Variants in ZSWIM5 observed in about 807,000 individuals in gnomAD.
ZSWIM5 encodes zinc finger SWIM domain-containing protein 5.
In ZSWIM5, 55 loss-of-function variants were observed where a neutral mutation model predicts 119.6. That is an observed-to-expected ratio of 0.46 (90% CI 0.37 to 0.58). The LOEUF is 0.58. Among genes scored for constraint, ZSWIM5 ranks in the 20% least tolerant of loss-of-function variants. The pLI, the probability that ZSWIM5 is intolerant of heterozygous loss-of-function variation, is 0.00. For synonymous variants in ZSWIM5, 537 were observed against 606.9 expected (o/e 0.88, Z 1.69); for missense variants, 1,193 against 1,512.8 (o/e 0.79, Z 3.51).
Position 45,051,156 on chromosome 1 carries a change from G to C in ZSWIM5, c.1350C>G (p.Val450=), listed in dbSNP as rs1336271751. The change falls in exon 5 of 14, where the codon GTC becomes GTG. Residue 450 remains valine, a synonymous_variant. Coordinates refer to ENST00000359600, the MANE Select transcript of ZSWIM5 (RefSeq NM_020883.2). ...CATAGTTTCCATCCTCCAGGGGACA[G>C]ACATCCAGGTCGCTCCACTTCTGCA... is the stretch of plus-strand genomic sequence containing the variant. ...QQLQKWSDLD[V]CPLEDGNYGH... is the part of the protein sequence containing the mutation. 6.2e-7 allele frequency: 1 copy of C among 1,614,086 alleles called. No individual in the cohort carries two copies. Among genetic ancestry groups the C allele is most frequent in the African/African-American group, 1.3e-5 (1 of 74,902 alleles).
intron 8 of ZSWIM5, 26 bp downstream of exon 8, chr1:45,038,910 G>T (rs768342441): frequency 1.2e-6 from 2 of 1,611,816 alleles, no homozygotes; most frequent in Non-Finnish European, 1.7e-6. Flanking sequence ...GGGCAGTCTT[G>T]GTTTGCCTCA....
At chr1:45,121,593 T>TC (rs1014173549) in intron 1 of ZSWIM5, among the ~76,000 whole-genome samples, 1 of 150,168 alleles carries the variant, frequency 6.7e-6, no homozygotes, top group Non-Finnish European at 1.5e-5. Context: ...AATCTTTTTT[T>TC]TTCTTCTTCT....
At chr1:45,021,849 G>A (rs1398028203) in intron 11 of ZSWIM5, among the ~76,000 whole-genome samples, 10 of 151,690 alleles carry the variant, frequency 6.6e-5, no homozygotes, top group Non-Finnish European at 1.2e-4. Context: ...GTGAAACCCC[G>A]TCTCTACTAA....
chr1:45,120,526 T>C (rs1470268056), intron 1 of ZSWIM5, among the ~76,000 whole-genome samples: 1 of 151,936 alleles, frequency 6.6e-6, no homozygotes, highest in African/African-American at 2.4e-5. Context: ...TGCAATGGTG[T>C]GACCATGGCT....
chr1:45,125,175 C>A (rs190560088), intron 1 of ZSWIM5, among the ~76,000 whole-genome samples: 11 of 152,266 alleles, frequency 7.2e-5, no homozygotes, highest in African/African-American at 2.6e-4. Flanking sequence ...CCAAAATAGA[C>A]CATTTCCAGG....
chr1:45,061,568 G>A (rs895232392), intron 2 of ZSWIM5, among the ~76,000 whole-genome samples: 1 of 151,110 alleles, frequency 6.6e-6, no homozygotes, highest in Non-Finnish European at 1.5e-5. Flanking sequence ...ATGGGGCATC[G>A]CCATGTTGGC....
rs1334326927 is a variant in ZSWIM5 at position 45,058,742 on chromosome 1, C to A, written c.1119G>T (p.Arg373=). ...TCCTTGCTCCATTGGAATCTCTCATCCGCAGCATTTCTCGAACCTGACACA... is the reference window on the plus strand; with the variant it reads ...TCCTTGCTCCATTGGAATCTCTCATACGCAGCATTTCTCGAACCTGACACA... ...SMFAKVREML[R]MRDSNGARML... Residue 373 remains arginine (R), a synonymous_variant, in exon 4 of 14, where the codon CGG becomes CGT. Coordinates refer to ENST00000359600, the MANE Select transcript of ZSWIM5 (RefSeq NM_020883.2). The A allele has an allele frequency of 9.3e-6, 15 of 1,614,100 alleles. No homozygotes were observed. The highest frequency in any genetic ancestry group is 1.3e-5 in the Non-Finnish European group (15 of 1,180,026).
At chr1:45,140,955 C>T (rs960080734) in intron 1 of ZSWIM5, among the ~76,000 whole-genome samples, 1 of 152,006 alleles carries the variant, frequency 6.6e-6, no homozygotes, top group African/African-American at 2.4e-5. Flanking sequence ...ATTCAAAAGC[C>T]CAGTAGTGAG....
At chr1:45,039,934 G>A (rs1347525942) in intron 7 of ZSWIM5, among the ~76,000 whole-genome samples, 1 of 152,150 alleles carries the variant, frequency 6.6e-6, no homozygotes, top group East Asian at 1.9e-4. Flanking sequence ...TCGAACTCCC[G>A]ACCTCAGGTG....
chr1:45,073,775 T>TC (rs1645239045), intron 2 of ZSWIM5, among the ~76,000 whole-genome samples: 1 of 152,012 alleles, frequency 6.6e-6, no homozygotes, highest in South Asian at 2.1e-4. Context: ...TTATGTTGAA[T>TC]AACAGTGGTA....
chr1:45,099,151 G>A (rs1645422113), intron 1 of ZSWIM5, among the ~76,000 whole-genome samples: 1 of 152,046 alleles, frequency 6.6e-6, no homozygotes, highest in Admixed American at 6.5e-5. Context: ...TAGACCGCTA[G>A]CAAGACTAGT....
chr1:45,020,553 G>C (rs890779535), intron 12 of ZSWIM5, 72 bp downstream of exon 12: 10 of 1,544,964 alleles, frequency 6.5e-6, no homozygotes, highest in South Asian at 4.8e-5. Context: ...CAGTCTCCCA[G>C]AGATCTTATC....
intron 1 of ZSWIM5, among the ~76,000 whole-genome samples, chr1:45,153,666 G>A (rs1029287673): frequency 3.3e-5 from 5 of 152,056 alleles, no homozygotes; most frequent in Non-Finnish European, 1.5e-5. Context: ...ATCAATCTAG[G>A]CACTGATCAA....
Position 45,090,249 on chromosome 1 carries a change from T to C in ZSWIM5, c.596-2012A>G, listed in dbSNP as rs190263478. Among the ~76,000 whole-genome samples the C allele has an allele frequency of 7.2e-5, 11 of 152,356 alleles. No individual in the cohort carries two copies. The East Asian group carries it at 2.1e-3, about 29-fold the overall frequency. ...GTACACATTACTGAAAACATTCAGA[T>C]TAATTTCCAGAGCAAGAAAAAGATA... On this transcript the variant is annotated intron_variant, in intron 1 of 13. Coordinates refer to ENST00000359600, the MANE Select transcript of ZSWIM5 (RefSeq NM_020883.2).
At chr1:45,090,675 C>G (rs1645359687) in intron 1 of ZSWIM5, among the ~76,000 whole-genome samples, 2 of 151,742 alleles carry the variant, frequency 1.3e-5, no homozygotes, top group Admixed American at 1.3e-4. Context: ...AATAAATAAG[C>G]AAGCTGGGTG....
rs1405189864 is a variant in ZSWIM5, at chr1:45,206,393, G to C, written c.-43C>G. 6.7e-6 allele frequency: 9 copies of C among 1,350,130 alleles called. No individual in the cohort carries two copies. The African/African-American group carries it at 9.2e-5, about 14-fold the overall frequency. The allele number at this position is 1,350,130 out of a possible 1,614,324, so 83.6% of individuals were successfully genotyped here. On this transcript the variant is annotated 5_prime_UTR_variant, in exon 1 of 14. Coordinates refer to ENST00000359600, the MANE Select transcript of ZSWIM5 (RefSeq NM_020883.2). ...CTGACTGAGGCGGCGGCGGCTGCTC[G>C]GGCTGCGGCGGAGACCCTGGCCACG... is the stretch of plus-strand genomic sequence containing the variant.
rs768889637 is a variant in ZSWIM5, at chr1:45,088,173, T to G, written c.660A>C (p.Lys220Asn). ...ATASEPAVTY[K>N]VAISFDRCKI... is the part of the protein sequence containing the mutation. ...TGCATCGATCAAAACTGATTGCAAC[T>G]TTATAAGTCACTGCTGGTTCAGAGG... is the stretch of plus-strand genomic sequence containing the variant. Residue 220 changes from lysine to asparagine, a missense_variant, in exon 2 of 14, where the codon AAA becomes AAC. Physicochemically the swap from Lys to Asn is moderately conservative, Grantham distance 94. Around this residue, in one of 2 missense-constraint regions of ZSWIM5, gnomAD observed 961 missense variants for 1,290.0 expected, o/e 0.74. Transcript: ENST00000359600. The surrounding 1 kb of genome is among the most constrained non-coding windows in gnomAD (Gnocchi z 4.2). 1 of 1,614,174 alleles carries G rather than the reference T, an allele frequency of 6.2e-7. No homozygotes were observed. The highest frequency in any genetic ancestry group is 8.5e-7 in the Non-Finnish European group (1 of 1,180,004).
chr1:45,031,353 T>A (rs1444440210), intron 11 of ZSWIM5, among the ~76,000 whole-genome samples: 6 of 151,648 alleles, frequency 4.0e-5, no homozygotes, highest in African/African-American at 9.7e-5. Flanking sequence ...ATTTTTTTTT[T>A]TTGTATTTTT....
At chr1:45,136,097 G>C (rs1234911639) in intron 1 of ZSWIM5, among the ~76,000 whole-genome samples, 1 of 152,100 alleles carries the variant, frequency 6.6e-6, no homozygotes, top group Non-Finnish European at 1.5e-5. Flanking sequence ...CTGAGCTCAA[G>C]GGATCCACCT....
Sources: allele counts gnomAD v4.1 joint callset (sites outside exome capture counted in the v4.1 genomes callset), GRCh38; gene constraint gnomAD v4.1.1; regional missense constraint gnomAD v4.1.1; non-coding constraint Gnocchi (gnomAD v3.1); transcripts MANE v1.5; gene names NCBI Gene and HGNC (gene_info 2026-07-23, HGNC 2026-07-21).